RBBP8: variants seen among roughly 807,000 people sequenced by gnomAD.
RBBP8 encodes DNA endonuclease RBBP8.
A neutral mutation model predicts 108.3 loss-of-function variants in RBBP8; 88 were observed. The observed-to-expected ratio is 0.81, with a 90% CI of 0.68 to 0.97. The LOEUF is 0.97. RBBP8 is among the 50% of genes least tolerant of loss of function. The pLI is 0.00. For missense variants in RBBP8, 1,023 were observed against 1,049.0 expected (o/e 0.98, Z 0.34); for synonymous variants, 332 against 348.2 (o/e 0.95, Z 0.52).
chr18:22,950,782 G>A (rs1911971311), intron 4 of RBBP8, among the ~76,000 whole-genome samples: 1 of 152,108 alleles, frequency 6.6e-6, no homozygotes, highest in Admixed American at 6.5e-5. Flanking sequence ...AGCCAGGCAT[G>A]TGACTGGAGT....
chr18:22,953,734 AT>A (rs945153727), intron 4 of RBBP8, among the ~76,000 whole-genome samples: 40 of 148,254 alleles, frequency 2.7e-4, no homozygotes, highest in African/African-American at 7.7e-4. Context: ...TAGTCTATAT[AT>A]TTTTTTTTTA....
chr18:22,955,965 T>C (rs958299390), intron 4 of RBBP8, among the ~76,000 whole-genome samples: 1 of 152,212 alleles, frequency 6.6e-6, no homozygotes, highest in African/African-American at 2.4e-5. Flanking sequence ...TTTATTAATG[T>C]TATATAAATT....
At chr18:23,019,751 A>T (rs1245898015) in intron 17 of RBBP8, among the ~76,000 whole-genome samples, 5 of 145,942 alleles carry the variant, frequency 3.4e-5, no homozygotes, top group African/African-American at 9.9e-5. Flanking sequence ...GACCAAGGCA[A>T]CATTTTATAA....
At chr18:22,924,127 G>GTTTTTTTTTTTTTTTTTTTTTTGTT (rs33978854) in intron 3 of RBBP8, among the ~76,000 whole-genome samples, 1 of 108,228 alleles carries the variant, frequency 9.2e-6, no homozygotes, top group African/African-American at 3.5e-5. Flanking sequence ...TTTGTTTTTG[G>GTTTTTTTTTTTTTTTTTTTTTTGTT]TTTTTTTTTT....
chr18:22,968,745 T>C (rs1913835995), intron 4 of RBBP8, 61 bp from the exon 5 acceptor site: 2 of 1,376,834 alleles, frequency 1.5e-6, no homozygotes, highest in Non-Finnish European at 2.1e-6. Flanking sequence ...ATAAAAGTCT[T>C]GGAATTCCAA....
At position 22,993,612 on chromosome 18, in the gene RBBP8, G is replaced by C. The variant is rs1445813341; in HGVS notation, c.1785G>C (p.Glu595Asp). The change falls in exon 11 of 19, where the codon GAG becomes GAC. Residue 595 changes from glutamate to aspartate, a missense_variant. Transcript: ENST00000327155. ...KIPLRPRESL[E>D]TENVLDDIKS... ...CTCTACGTCCACGTGAAAGTTTGGAGACTGAGAATGTTTTAGATGACATAA... is the reference window on the plus strand; with the variant it reads ...CTCTACGTCCACGTGAAAGTTTGGACACTGAGAATGTTTTAGATGACATAA... 1.2e-6 allele frequency: 2 copies of C among 1,614,216 alleles called. No homozygotes were observed. The highest frequency in any genetic ancestry group is 2.2e-5 in the South Asian group (2 of 91,062).
intron 3 of RBBP8, among the ~76,000 whole-genome samples, chr18:22,921,432 T>C (rs1346817389): frequency 1.3e-5 from 2 of 152,210 alleles, no homozygotes; most frequent in African/African-American, 2.4e-5. Flanking sequence ...CTTGTTTCTA[T>C]TGGCTTCAGA....
rs1915786887 is a variant in RBBP8, at chr18:22,992,806, TCTC to T, written c.982_984del (p.Pro328del). 3.1e-6 allele frequency: 5 copies of T among 1,607,456 alleles called. No homozygotes were observed. Among genetic ancestry groups the T allele is most frequent in the Non-Finnish European group, 4.3e-6 (5 of 1,174,102 alleles). ...AGAAGAATTACCTACTCGAGTGTCA[TCTC>T]CTGTATTTGGAGCTACCTCTAGTAT... On this transcript the variant is annotated inframe_deletion, in exon 11 of 19. Coordinates refer to ENST00000327155, the MANE Select transcript of RBBP8 (RefSeq NM_002894.3).
chr18:23,015,946 C>G (rs1016985026), intron 16 of RBBP8, among the ~76,000 whole-genome samples: 1 of 151,980 alleles, frequency 6.6e-6, no homozygotes, highest in African/African-American at 2.4e-5. Flanking sequence ...GAGACAGAGT[C>G]TCACCCAGGC....
intron 7 of RBBP8, among the ~76,000 whole-genome samples, chr18:22,983,435 C>G (rs1464494699): frequency 1.3e-5 from 2 of 152,060 alleles, no homozygotes; most frequent in African/African-American, 4.8e-5. Context: ...GTTAAAAATC[C>G]TACACTTAAA....
chr18:23,005,222 A>C (rs1408657255), intron 15 of RBBP8, among the ~76,000 whole-genome samples: 1 of 152,178 alleles, frequency 6.6e-6, no homozygotes, highest in Non-Finnish European at 1.5e-5. Context: ...GTTCAATAGC[A>C]CTATATGGTG....
In RBBP8 at chr18:22,959,457, C is replaced by T. The variant is rs547102618; in HGVS notation, c.249-9349C>T. ...TCCTTCATTGCACTGGACACTCAAC[C>T]TGTTAACCTAAAAACTAGCACTCAA... is the stretch of plus-strand genomic sequence containing the variant. On this transcript the variant is annotated intron_variant, in intron 4 of 18. Transcript: ENST00000327155. Among the ~76,000 whole-genome samples the T allele has an allele frequency of 1.5e-3, 230 of 152,144 alleles. 1 individual carries two copies. The highest frequency in any genetic ancestry group is 5.2e-3 in the African/African-American group (214 of 41,506).
chr18:22,940,853 C>T (rs1251312057), intron 2 of RBBP8, among the ~76,000 whole-genome samples: 2 of 151,848 alleles, frequency 1.3e-5, no homozygotes, highest in East Asian at 3.9e-4. Flanking sequence ...TTTTGTTGCC[C>T]AGGCTAGTCT....
At chr18:22,962,703 C>A (rs969324563) in intron 4 of RBBP8, among the ~76,000 whole-genome samples, 1 of 145,294 alleles carries the variant, frequency 6.9e-6, no homozygotes, top group Non-Finnish European at 1.5e-5. Context: ...TCCTCTCCAC[C>A]CCCCCTACCT....
chr18:22,928,520 G>A (rs1207431169), upstream of RBBP8, among the ~76,000 whole-genome samples: 1 of 152,140 alleles, frequency 6.6e-6, no homozygotes, highest in African/African-American at 2.4e-5. Context: ...TGAGCCAAGA[G>A]TAAGACACAG....
At chr18:22,978,240 T>C (rs1455699488) in intron 6 of RBBP8, among the ~76,000 whole-genome samples, 4 of 152,164 alleles carry the variant, frequency 2.6e-5, no homozygotes, top group African/African-American at 7.2e-5. Flanking sequence ...TAAAACAGTT[T>C]TGACAGGAGT....
At position 22,948,246 on chromosome 18, in the gene RBBP8, A is replaced by G. The variant is rs778689523; in HGVS notation, c.153-1372A>G. 2.0e-5 allele frequency among the ~76,000 whole-genome samples: 3 copies of G among 152,140 alleles called. No individual in the cohort carries two copies. In the South Asian group the frequency reaches 6.2e-4, roughly 31 times the overall value. ...TGAATACATGTTGGCAGTCTGTTTTAGGACATGATTAATCACACCTCCAGG... is the reference window on the plus strand; with the variant it reads ...TGAATACATGTTGGCAGTCTGTTTTGGGACATGATTAATCACACCTCCAGG... On this transcript the variant is annotated intron_variant, in intron 3 of 18. Transcript: ENST00000327155.
chr18:23,015,263 A>G (rs569305923), intron 16 of RBBP8, among the ~76,000 whole-genome samples: 1 of 152,210 alleles, frequency 6.6e-6, no homozygotes, highest in Non-Finnish European at 1.5e-5. Context: ...CTCTGGGCAG[A>G]AGAAGTTAGT....
Position 22,975,158 on chromosome 18 carries a change from GA to G in RBBP8, c.370del (p.Arg124GlyfsTer42), listed in dbSNP as rs758104023. ...TTTTTCACATTGTTTTTAAGTGAAT[GA>G]AAGGAATACTCTACAGGAAGAAAAT... ...NLKLITELMN[E>X]RNTLQEENKK... On this transcript the variant is annotated frameshift_variant, in exon 6 of 19. Transcript: ENST00000327155. LOFTEE classifies it high-confidence loss of function. 2 of 1,610,930 alleles carry G rather than the reference GA, an allele frequency of 1.2e-6. No homozygotes were observed. Among genetic ancestry groups the G allele is most frequent in the Non-Finnish European group, 1.7e-6 (2 of 1,178,686 alleles).
Sources: allele counts gnomAD v4.1 joint callset (sites outside exome capture counted in the v4.1 genomes callset), GRCh38; gene constraint gnomAD v4.1.1; transcripts MANE v1.5; gene names NCBI Gene and HGNC (gene_info 2026-07-23, HGNC 2026-07-21).